DOCK5: variants seen among roughly 807,000 people sequenced by gnomAD.
DOCK5 encodes the protein dedicator of cytokinesis 5, also known as dedicator of cytokinesis protein 5.
A neutral mutation model predicts 251.8 loss-of-function variants in DOCK5; 142 were observed. That is an observed-to-expected ratio of 0.56 (90% CI 0.49 to 0.65). The LOEUF (loss-of-function observed/expected upper bound fraction) is 0.65, where lower values mean the gene tolerates loss of function less well. DOCK5 is among the 30% of genes least tolerant of loss of function. DOCK5 has a pLI of 0.00. For synonymous variants in DOCK5, 842 were observed against 835.5 expected, an observed-to-expected ratio of 1.01 and a Z score of -0.13; for missense variants, 2,111 against 2,312.3, an observed-to-expected ratio of 0.91 and a Z score of 1.79.
intron 5 of DOCK5, among the ~76,000 whole-genome samples, chr8:25,288,189 C>T (rs1216415734): frequency 6.6e-6 from 1 of 151,972 alleles, no homozygotes; most frequent in East Asian, 1.9e-4. Context: ...CCCGGCCAGC[C>T]CGTGCTCTTT....
intron 9 of DOCK5, among the ~76,000 whole-genome samples, chr8:25,302,122 A>C (rs1804781451): frequency 6.6e-6 from 1 of 152,228 alleles, no homozygotes; most frequent in Non-Finnish European, 1.5e-5. Context: ...ACAAAAAAGC[A>C]CTTGTTTACA....
chr8:25,300,430 A>G, intron 8 of DOCK5, 146 bp from the exon 9 acceptor site: 1 of 666,116 alleles, frequency 1.5e-6, no homozygotes, highest in Middle Eastern at 2.9e-4. Context: ...CCCAGTTCCC[A>G]ACTCAGCTGT....
rs552493623 is a variant in DOCK5, at chr8:25,328,655, C to T, written c.1903+3108C>T. On this transcript the variant is annotated intron_variant, in intron 18 of 51. Transcript: ENST00000276440. Reference sequence around the variant, plus strand: ...TTCAGACTCAAAAGGTTAAAAGCCACTGGAGTTTTAACAAACAGATCTTGG... The same window carrying T: ...TTCAGACTCAAAAGGTTAAAAGCCATTGGAGTTTTAACAAACAGATCTTGG... Among the ~76,000 whole-genome samples the T allele has an allele frequency of 5.3e-5, 8 of 152,268 alleles. No individual in the cohort carries two copies. The South Asian group carries it at 8.3e-4, about 16-fold the overall frequency.
In DOCK5 at chr8:25,202,287, G is replaced by A. The variant is rs373141582; in HGVS notation, c.43+17336G>A. On this transcript the variant is annotated intron_variant, in intron 1 of 51. Transcript: ENST00000276440. The stretch of plus-strand genomic sequence containing the variant: ...CCTGCCTCGGCCTCCCAAACTGTTG[G>A]CATTACAGGTGTGAGCCACCGCACC... Among the ~76,000 whole-genome samples the A allele has an allele frequency of 5.9e-5, 9 of 152,224 alleles. No homozygotes were observed. The East Asian group carries it at 9.7e-4, about 16-fold the overall frequency.
At chr8:25,216,018 T>C (rs1430441350) in intron 1 of DOCK5, among the ~76,000 whole-genome samples, 4 of 151,654 alleles carry the variant, frequency 2.6e-5, no homozygotes, top group African/African-American at 4.8e-5. Flanking sequence ...TATATATGTA[T>C]ACAACATGTA....
At chr8:25,370,208 G>A (rs997172327) in intron 34 of DOCK5, among the ~76,000 whole-genome samples, 1 of 152,116 alleles carries the variant, frequency 6.6e-6, no homozygotes, top group Non-Finnish European at 1.5e-5. Context: ...TGCCCTCCTT[G>A]GCACATGTGG....
intron 37 of DOCK5, 87 bp downstream of exon 37, chr8:25,374,741 A>G: frequency 6.2e-7 from 1 of 1,609,990 alleles, no homozygotes; most frequent in Non-Finnish European, 8.5e-7. Context: ...TTTTGATGGG[A>G]AAGAACTTTA....
At chr8:25,340,702 G>T (rs1805931461) in intron 22 of DOCK5, among the ~76,000 whole-genome samples, 175 bp from the exon 23 acceptor site, 1 of 152,200 alleles carries the variant, frequency 6.6e-6, no homozygotes, top group Non-Finnish European at 1.5e-5. Flanking sequence ...AGCCTTTCCG[G>T]GTTGAGCGGC....
intron 40 of DOCK5, among the ~76,000 whole-genome samples, chr8:25,387,882 C>T (rs931874): frequency 0.31 from 47,818 of 152,084 alleles, 8,275 homozygotes; most frequent in South Asian, 0.47. Context: ...TTCTTCCTGA[C>T]CTGCTTCTGT....
chr8:25,237,274 C>T (rs556695017), intron 1 of DOCK5, among the ~76,000 whole-genome samples: 2 of 151,976 alleles, frequency 1.3e-5, no homozygotes, highest in African/African-American at 4.8e-5. Flanking sequence ...GGGGATGAGG[C>T]GGGAGGATCA....
chr8:25,366,794 T>C (rs1322111897), intron 30 of DOCK5, 76 bp from the exon 31 acceptor site: 3 of 1,084,936 alleles, frequency 2.8e-6, no homozygotes, highest in Non-Finnish European at 1.4e-6. Flanking sequence ...CTTTTTACCA[T>C]GTGACATTGT....
At chr8:25,371,801 C>T (rs189129512) in intron 34 of DOCK5, among the ~76,000 whole-genome samples, 34 of 152,314 alleles carry the variant, frequency 2.2e-4, no homozygotes, top group African/African-American at 3.4e-4. Context: ...AGAAAAAATA[C>T]GGATACATAG....
chr8:25,346,551 C>A (rs1019170265), intron 26 of DOCK5, among the ~76,000 whole-genome samples: 2 of 146,702 alleles, frequency 1.4e-5, no homozygotes, highest in South Asian at 2.2e-4. Context: ...TAAGGCCGGG[C>A]GTGGTGGCTC....
At chr8:25,267,393 A>ATATT (rs1248310301) in intron 2 of DOCK5, among the ~76,000 whole-genome samples, 2 of 152,232 alleles carry the variant, frequency 1.3e-5, no homozygotes, top group African/African-American at 4.8e-5. Context: ...TACTTTTACA[A>ATATT]TATTTGTGAA....
In DOCK5 at chr8:25,351,818, C is replaced by T. The variant is rs1586353287; in HGVS notation, c.2842C>T (p.Pro948Ser). ...AGTGATTGGGATGAACCGGCAGTCTCCCCACATCGTGAGTATCTCTTTGTT... is the reference window on the plus strand; with the variant it reads ...AGTGATTGGGATGAACCGGCAGTCTTCCCACATCGTGAGTATCTCTTTGTT... ...RTVIGMNRQS[P>S]HIGSFVACMI... Residue 948 changes from proline to serine, a missense_variant, in exon 27 of 52, where the codon CCC (proline) becomes TCC (serine). By Grantham distance (74) the Pro-to-Ser change is moderately conservative. Around this residue, in one of 3 missense-constraint regions of DOCK5, gnomAD observed 1,717 missense variants for 1,892.4 expected, o/e 0.91. Transcript: ENST00000276440. 2 of 1,613,498 alleles carry T rather than the reference C, an allele frequency of 1.2e-6. No homozygotes were observed. The highest frequency in any genetic ancestry group is 4.5e-5 in the East Asian group (2 of 44,858).
chr8:25,410,936 A>AG (rs59476898), intron 51 of DOCK5, among the ~76,000 whole-genome samples: 3 of 110,330 alleles, frequency 2.7e-5, no homozygotes, highest in African/African-American at 3.5e-5. Flanking sequence ...AGAGAGAGAG[A>AG]AAATGTGTGT....
At chr8:25,277,846 A>G (rs1804087011) in intron 4 of DOCK5, among the ~76,000 whole-genome samples, 1 of 152,232 alleles carries the variant, frequency 6.6e-6, no homozygotes. Flanking sequence ...AAACTTAACT[A>G]GGTCTCCTAT....
chr8:25,308,416 C>A lies in DOCK5; in HGVS notation c.1050-367C>A, dbSNP rs569318711. Reference sequence around the variant, plus strand: ...GGGAGCCTCTTGCAGAGCTCACTATCAAGCAGAAGTAGACCTGGGGGCTCC... The same window carrying A: ...GGGAGCCTCTTGCAGAGCTCACTATAAAGCAGAAGTAGACCTGGGGGCTCC... On this transcript the variant is annotated intron_variant, in intron 11 of 51. Transcript: ENST00000276440. Among the ~76,000 whole-genome samples, 29 of 152,218 alleles carry A rather than the reference C, an allele frequency of 1.9e-4. No individual in the cohort carries two copies. In the South Asian group the frequency reaches 6.0e-3, roughly 32 times the overall value.
intron 5 of DOCK5, among the ~76,000 whole-genome samples, chr8:25,280,942 AT>A (rs1162677944): frequency 6.6e-6 from 1 of 151,188 alleles, no homozygotes; most frequent in Non-Finnish European, 1.5e-5. Flanking sequence ...GAGTGTTGAA[AT>A]GCATTAGATA....
Sources: gnomAD v4.1 joint callset for allele counts (sites outside exome capture counted in the v4.1 genomes callset) on GRCh38, gnomAD v4.1.1 for gene constraint, gnomAD v4.1.1 regional missense constraint, MANE v1.5 for transcripts, NCBI Gene and HGNC (gene_info 2026-07-23, HGNC 2026-07-21) for gene names.